The following DCBLD1 variants were observed in gnomAD, a reference collection of about 807,000 sequenced individuals.
DCBLD1 encodes discoidin, CUB and LCCL domain containing 1.
A neutral mutation model predicts 71.5 loss-of-function variants in DCBLD1; 57 were observed. The observed-to-expected ratio is 0.80, with a 90% CI of 0.64 to 0.99. DCBLD1 has a LOEUF of 0.99. Among genes scored for constraint, DCBLD1 ranks in the 50% least tolerant of loss-of-function variants. The pLI, the probability that DCBLD1 is intolerant of heterozygous loss-of-function variation, is 0.00. For missense variants in DCBLD1, 891 were observed against 923.5 expected, an observed-to-expected ratio of 0.96 and a Z score of 0.46; for synonymous variants, 380 against 363.8, an observed-to-expected ratio of 1.04 and a Z score of -0.51.
chr6:117,548,288 ACCGG>A lies in DCBLD1; in HGVS notation c.2000_2003del (p.Arg667ProfsTer44). 6.4e-7 allele frequency: 1 copy of A among 1,550,632 alleles called. No individual in the cohort carries two copies. Among genetic ancestry groups the A allele is most frequent in the South Asian group, 1.2e-5 (1 of 84,054 alleles). On this transcript the variant is annotated frameshift_variant, in exon 15 of 15. Coordinates refer to ENST00000338728, the MANE Select transcript of DCBLD1 (RefSeq NM_001366458.2). LOFTEE classifies it low-confidence loss of function (END_TRUNC). ...GCACAGCCTGCGGACAGGGGCTACG[ACCGG>A]CCCAAAGCTGTCAGCGCCCTCGCCA...
At chr6:117,516,656 A>C (rs543438298) in intron 2 of DCBLD1, among the ~76,000 whole-genome samples, 6 of 152,158 alleles carry the variant, frequency 3.9e-5, no homozygotes, top group Non-Finnish European at 7.3e-5. Context: ...CATGCTGCTG[A>C]TAAGGACATA....
At chr6:117,567,092 A>T (rs1420486112) in intron 14 of DCBLD1, 1 of 1,334,646 alleles carries the variant, frequency 7.5e-7, no homozygotes, top group African/African-American at 1.5e-5. Context: ...TTTAAAAAGG[A>T]TTTCCAAATT....
intron 9 of DCBLD1, chr6:117,539,678 CAGGAGTTCA>C: frequency 4.8e-6 from 1 of 207,972 alleles, no homozygotes; most frequent in Non-Finnish European, 9.4e-6. Context: ...CACTTGAGCC[CAGGAGTTCA>C]AGGTTACAGT....
chr6:117,495,396 T>C (rs1166843271), intron 1 of DCBLD1, among the ~76,000 whole-genome samples: 1 of 152,244 alleles, frequency 6.6e-6, no homozygotes, highest in African/African-American at 2.4e-5. Flanking sequence ...TAGTAGCAGT[T>C]AACATATTGA....
intron 11 of DCBLD1, 127 bp downstream of exon 11, chr6:117,541,152 G>T: frequency 2.7e-6 from 2 of 738,486 alleles, no homozygotes; most frequent in South Asian, 3.6e-5. Context: ...CAGTGGTATT[G>T]GCACATATGT....
chr6:117,525,547 ATGAG>A, intron 5 of DCBLD1, 113 bp downstream of exon 5: 4 of 704,968 alleles, frequency 5.7e-6, no homozygotes, highest in Non-Finnish European at 8.4e-6. Flanking sequence ...AGATAGATGC[ATGAG>A]TCTCTCTCCT....
intron 6 of DCBLD1, among the ~76,000 whole-genome samples, chr6:117,536,626 A>G (rs1199838887): frequency 2.0e-5 from 3 of 152,206 alleles, no homozygotes; most frequent in Non-Finnish European, 4.4e-5. Context: ...TTGCTACAGT[A>G]GGTAGGAGTG....
intron 1 of DCBLD1, among the ~76,000 whole-genome samples, chr6:117,492,320 A>T (rs1019911427): frequency 6.6e-6 from 1 of 152,222 alleles, no homozygotes; most frequent in Non-Finnish European, 1.5e-5. Flanking sequence ...AGAGCTATTG[A>T]GGGAACTGAG....
In DCBLD1 at chr6:117,540,698, C is replaced by G; in HGVS notation, c.1132C>G (p.Pro378Ala). 1 of 1,614,102 alleles carries G rather than the reference C, an allele frequency of 6.2e-7. No homozygotes were observed. The highest frequency in any genetic ancestry group is 8.5e-7 in the Non-Finnish European group (1 of 1,180,030). The change falls in exon 10 of 15, where the codon CCA becomes GCA. Residue 378 changes from proline (P) to alanine (A), a missense_variant. Physicochemically the swap from Pro to Ala is conservative, Grantham distance 27. Transcript: ENST00000338728. ...VFQGNSNFRD[P>A]VQNNFIPPIV... ...TCAGGGTAACTCTAACTTTCGGGAC[C>G]CAGTGCAAAACAATTTCATCCCTCC...
chr6:117,502,968 A>G (rs920049434), intron 1 of DCBLD1, among the ~76,000 whole-genome samples: 3 of 152,204 alleles, frequency 2.0e-5, no homozygotes, highest in African/African-American at 4.8e-5. Context: ...ATTCGCTGCA[A>G]CATTCTTTCT....
At chr6:117,568,922 C>T (rs954050470) in intron 14 of DCBLD1, among the ~76,000 whole-genome samples, 2 of 152,176 alleles carry the variant, frequency 1.3e-5, no homozygotes, top group African/African-American at 2.4e-5. Flanking sequence ...ATCCAAGAAA[C>T]ATCTCAATGT....
At chr6:117,543,486 C>A (rs1291682892) in intron 12 of DCBLD1, among the ~76,000 whole-genome samples, 1 of 152,112 alleles carries the variant, frequency 6.6e-6, no homozygotes, top group Non-Finnish European at 1.5e-5. Flanking sequence ...AAACCCCCTG[C>A]CTCAACCTCC....
Position 117,532,335 on chromosome 6 carries a change from C to T in DCBLD1, c.661C>T (p.Gln221Ter), listed in dbSNP as rs766284839. 6 of 1,613,856 alleles carry T rather than the reference C, an allele frequency of 3.7e-6. No individual in the cohort carries two copies. Among genetic ancestry groups the T allele is most frequent in the Non-Finnish European group, 4.2e-6 (5 of 1,179,960 alleles). ...DELGGQISVL[Q>*]RKGISRYEGI... ...ACTAGGTGGCCAGATCAGTGTGCTT[C>T]AGCGCAAAGGGATCAGTCGATATGA... Residue 221 changes from glutamine (Q) to a stop codon, truncating the protein, a stop_gained, in exon 6 of 15, where the codon CAG becomes TAG. Coordinates refer to ENST00000338728, the MANE Select transcript of DCBLD1 (RefSeq NM_001366458.2). LOFTEE classifies it high-confidence loss of function.
intron 5 of DCBLD1, 25 bp from the exon 6 acceptor site, chr6:117,532,235 G>T: frequency 6.4e-7 from 1 of 1,574,426 alleles, no homozygotes; most frequent in Non-Finnish European, 8.6e-7. Flanking sequence ...TTTAAGTTCT[G>T]CATAATGATG....
At position 117,548,879 on chromosome 6, in the gene DCBLD1, G is replaced by C. The variant is rs1264040447; in HGVS notation, c.*440G>C. 1 of 1,014,244 alleles carries C rather than the reference G, an allele frequency of 9.9e-7. No individual in the cohort carries two copies. Among genetic ancestry groups the C allele is most frequent in the African/African-American group, 1.7e-5 (1 of 57,522 alleles). The allele number at this position is 1,014,244 out of a possible 1,614,324, so 62.8% of individuals were successfully genotyped here. On this transcript the variant is annotated 3_prime_UTR_variant, in exon 15 of 15. Coordinates refer to ENST00000338728, the MANE Select transcript of DCBLD1 (RefSeq NM_001366458.2). ...ATAAATAGTATGTTCATTTTTTTCA[G>C]TATATTATCTGATACTGTGTTAGCA...
rs1332062939 is a variant in DCBLD1 at position 117,548,110 on chromosome 6, C to A, written c.1819C>A (p.Arg607=). 4 of 1,549,594 alleles carry A rather than the reference C, an allele frequency of 2.6e-6. No homozygotes were observed. Among genetic ancestry groups the A allele is most frequent in the Non-Finnish European group, 3.5e-6 (4 of 1,146,494 alleles). ...EPEYATPIVE[R]HVLRAHTFSA... ...CGAGTACGCCACGCCCATCGTGGAG[C>A]GGCACGTGCTGCGCGCCCACACGTT... The change falls in exon 15 of 15, where the codon CGG becomes AGG. Residue 607 remains arginine, a synonymous_variant. Transcript: ENST00000338728.
At chr6:117,520,254 T>C (rs1778343630) in intron 3 of DCBLD1, among the ~76,000 whole-genome samples, 1 of 152,236 alleles carries the variant, frequency 6.6e-6, no homozygotes, top group Admixed American at 6.5e-5. Flanking sequence ...TTTATAATTA[T>C]GTTTTACGAA....
chr6:117,497,353 C>G (rs527891102), intron 1 of DCBLD1, among the ~76,000 whole-genome samples: 1 of 152,062 alleles, frequency 6.6e-6, no homozygotes, highest in Non-Finnish European at 1.5e-5. Context: ...TTTTGCTTTT[C>G]TTTTAGTGGA....
chr6:117,523,137 C>T (rs1778437923), intron 4 of DCBLD1, among the ~76,000 whole-genome samples: 1 of 152,166 alleles, frequency 6.6e-6, no homozygotes, highest in African/African-American at 2.4e-5. Flanking sequence ...GTGATAGGGC[C>T]TCTGGACATC....
Sources: allele counts gnomAD v4.1 joint callset (sites outside exome capture counted in the v4.1 genomes callset), GRCh38; gene constraint gnomAD v4.1.1; transcripts MANE v1.5; gene names NCBI Gene and HGNC (gene_info 2026-07-23, HGNC 2026-07-21).